Variants in NR2F1-AS1 observed in about 807,000 individuals in gnomAD.
NR2F1-AS1 encodes the protein NR2F1 regulatory antisense RNA 1.
intron 4 of NR2F1-AS1, among the ~76,000 whole-genome samples, chr5:93,469,539 T>C (rs7729993): frequency 0.014 from 2,078 of 152,130 alleles, 52 homozygotes; most frequent in African/African-American, 0.048. Flanking sequence ...ACAATCACAG[T>C]ATTAACAGAA....
At chr5:93,450,069 T>C (rs1332448558) in intron 4 of NR2F1-AS1, among the ~76,000 whole-genome samples, 1 of 152,214 alleles carries the variant, frequency 6.6e-6, no homozygotes, top group Non-Finnish European at 1.5e-5. Flanking sequence ...TTGAAACCTG[T>C]TAAGCACCTT....
intron 4 of NR2F1-AS1, among the ~76,000 whole-genome samples, chr5:93,552,062 T>C (rs886316866): frequency 6.6e-6 from 1 of 152,176 alleles, no homozygotes; most frequent in Non-Finnish European, 1.5e-5. Context: ...CAAATGCTCA[T>C]TAAGCTCCTA....
At chr5:93,475,952 C>G (rs764983106) in intron 4 of NR2F1-AS1, among the ~76,000 whole-genome samples, 26 of 152,252 alleles carry the variant, frequency 1.7e-4, no homozygotes, top group Non-Finnish European at 2.6e-4. Context: ...AGTTTAGTCA[C>G]TGTATCAACT....
At chr5:93,492,746 T>C (rs1380515623) in intron 4 of NR2F1-AS1, among the ~76,000 whole-genome samples, 1 of 152,004 alleles carries the variant, frequency 6.6e-6, no homozygotes, top group Non-Finnish European at 1.5e-5. Flanking sequence ...GAAAATCAAT[T>C]AATATAATGC....
At chr5:93,571,863 A>ATTT (rs11436754) in intron 1 of NR2F1-AS1, among the ~76,000 whole-genome samples, 2 of 150,504 alleles carry the variant, frequency 1.3e-5, no homozygotes, top group Non-Finnish European at 3.0e-5. Context: ...AGGCAATATG[A>ATTT]TTTTTTTTTT....
intron 3 of NR2F1-AS1, among the ~76,000 whole-genome samples, chr5:93,554,596 T>A (rs1487187449): frequency 1.3e-5 from 2 of 152,200 alleles, no homozygotes; most frequent in African/African-American, 4.8e-5. Context: ...GATTAACAAC[T>A]TAAAAATTAA....
At chr5:93,516,317 C>A (rs1751400853) in intron 4 of NR2F1-AS1, among the ~76,000 whole-genome samples, 1 of 151,822 alleles carries the variant, frequency 6.6e-6, no homozygotes, top group Non-Finnish European at 1.5e-5. Context: ...TCTCTCTAAT[C>A]CTCTGACAAC....
intron 4 of NR2F1-AS1, among the ~76,000 whole-genome samples, chr5:93,511,679 C>G (rs138601519): frequency 6.6e-6 from 1 of 152,288 alleles, no homozygotes; most frequent in African/African-American, 2.4e-5. Context: ...CTGTTAGGAA[C>G]TGGGCCGCAA....
intron 4 of NR2F1-AS1, among the ~76,000 whole-genome samples, chr5:93,475,299 G>A (rs1043242284): frequency 6.6e-5 from 10 of 152,170 alleles, no homozygotes; most frequent in South Asian, 2.1e-4. Context: ...AACACAGGCC[G>A]TGTCTTTTAA....
intron 4 of NR2F1-AS1, among the ~76,000 whole-genome samples, chr5:93,474,565 G>A (rs1045054648): frequency 6.6e-6 from 1 of 152,294 alleles, no homozygotes; most frequent in East Asian, 1.9e-4. Context: ...AACAGATCCA[G>A]TGCCTGGTGA....
chr5:93,538,611 G>A (rs1751888133), intron 4 of NR2F1-AS1, among the ~76,000 whole-genome samples: 2 of 152,164 alleles, frequency 1.3e-5, no homozygotes. Context: ...ACAGTTGTAG[G>A]AAATACTTCT....
chr5:93,545,033 T>G (rs184441638), intron 4 of NR2F1-AS1: 1 of 152,252 alleles, frequency 6.6e-6, no homozygotes, highest in East Asian at 1.9e-4. Context: ...GGGGGGCTTT[T>G]GATAAGAAAA....
At chr5:93,580,731 G>A (rs1753006399) in exon 1 of NR2F1-AS1, 1 of 152,452 alleles carries the variant, frequency 6.6e-6, no homozygotes, top group Non-Finnish European at 1.5e-5. Flanking sequence ...ACATAGAAAG[G>A]TTTTCTTTTC....
intron 4 of NR2F1-AS1, among the ~76,000 whole-genome samples, chr5:93,465,576 T>G (rs976340675): frequency 1.3e-5 from 2 of 152,298 alleles, no homozygotes; most frequent in African/African-American, 4.8e-5. Flanking sequence ...CATTACTGGG[T>G]ATATACCCAA....
At chr5:93,453,697 C>T (rs1749885462) in intron 4 of NR2F1-AS1, among the ~76,000 whole-genome samples, 1 of 152,068 alleles carries the variant, frequency 6.6e-6, no homozygotes, top group South Asian at 2.1e-4. Flanking sequence ...AATGGAGTGA[C>T]ATCTTTAAAG....
At chr5:93,455,783 TGTA>T (rs1749932315) in intron 4 of NR2F1-AS1, among the ~76,000 whole-genome samples, 1 of 151,852 alleles carries the variant, frequency 6.6e-6, no homozygotes, top group South Asian at 2.1e-4. Context: ...TTTCTGGAAA[TGTA>T]GTTTTAACTT....
chr5:93,437,000 A>T (rs985984035), intron 4 of NR2F1-AS1, among the ~76,000 whole-genome samples: 3 of 151,968 alleles, frequency 2.0e-5, no homozygotes, highest in African/African-American at 7.2e-5. Flanking sequence ...AAAAAAAAAA[A>T]TTAAATACCA....
At chr5:93,581,886 CGGTCTCTCTCTCTCTCTCTG>C (rs1195466116), upstream of NR2F1-AS1, among the ~76,000 whole-genome samples, 1 of 77,474 alleles carries the variant, frequency 1.3e-5, no homozygotes, top group Non-Finnish European at 2.6e-5. Context: ...CTCTCTCTCT[CGGTCTCTCTCTCTCTCTCTG>C]GGTCTCTCTC....
At chr5:93,471,751 T>A (rs1203014189) in intron 4 of NR2F1-AS1, among the ~76,000 whole-genome samples, 1 of 152,026 alleles carries the variant, frequency 6.6e-6, no homozygotes, top group East Asian at 1.9e-4. Context: ...CTGTTGGTCA[T>A]AAGTTGATGA....
Sources: gnomAD v4.1 joint callset for allele counts (sites outside exome capture counted in the v4.1 genomes callset) on GRCh38, gnomAD v4.1.1 for gene constraint, MANE v1.5 for transcripts, NCBI Gene and HGNC (gene_info 2026-07-23, HGNC 2026-07-21) for gene names.